CD226: variants seen among roughly 807,000 people sequenced by gnomAD.
CD226 encodes the protein CD226 molecule.
A neutral mutation model predicts 34.9 loss-of-function variants in CD226; 24 were observed. The observed-to-expected ratio is 0.69, with a 90% CI of 0.50 to 0.97. The LOEUF (loss-of-function observed/expected upper bound fraction) is 0.97. Among genes scored for constraint, CD226 ranks in the 50% least tolerant of loss-of-function variants. The pLI is 0.00. For synonymous variants in CD226, 148 were observed against 147.4 expected (o/e 1.00, Z -0.03); for missense variants, 397 against 412.7 (o/e 0.96, Z 0.33).
intron 3 of CD226, among the ~76,000 whole-genome samples, chr18:69,875,049 G>A (rs1213730858): frequency 1.3e-5 from 2 of 152,182 alleles, no homozygotes; most frequent in Non-Finnish European, 2.9e-5. Context: ...ACACGGTGCA[G>A]GTATTTCTTC....
rs4891780 is a variant in CD226, at chr18:69,857,147, C to T, written c.*7167G>A. 0.45 allele frequency: 68,050 copies of T among 152,098 alleles called. 15,406 individuals are homozygous for T. Among genetic ancestry groups the T allele is most frequent in the Middle Eastern group, 0.6 (176 of 294 alleles). The allele number at this position is 152,098 out of a possible 1,614,324, so 9.4% of individuals were successfully genotyped here. A position where few individuals can be genotyped will look rare whatever the true frequency, so the allele number is the denominator to read the frequency against. On this transcript the variant is annotated 3_prime_UTR_variant, in exon 6 of 6. Transcript: ENST00000582621. ...TCGCACCACTGCACTCCAGCCTGGG[C>T]GACAGAGCGAGACTCCGTCTCAAAA...
chr18:69,896,245 G>A (rs1985289133), intron 2 of CD226, 200 bp from the exon 3 acceptor site: 4 of 725,886 alleles, frequency 5.5e-6, no homozygotes, highest in African/African-American at 2.0e-5. Context: ...GCAGTGGTGT[G>A]ATCTCGGCTC....
At chr18:69,913,133 C>T (rs896746325) in intron 2 of CD226, among the ~76,000 whole-genome samples, 6 of 152,128 alleles carry the variant, frequency 3.9e-5, no homozygotes, top group African/African-American at 1.2e-4. Flanking sequence ...CTCTGGGATG[C>T]GCCGTCATAC....
chr18:69,875,760 G>A (rs754310537), intron 3 of CD226, among the ~76,000 whole-genome samples: 12 of 152,150 alleles, frequency 7.9e-5, no homozygotes, highest in Non-Finnish European at 1.6e-4. Context: ...TGCCATTTGC[G>A]ACAGCATGGA....
At chr18:69,893,656 T>G (rs1486283326) in intron 3 of CD226, among the ~76,000 whole-genome samples, 1 of 152,234 alleles carries the variant, frequency 6.6e-6, no homozygotes, top group African/African-American at 2.4e-5. Flanking sequence ...AAGTTCTTTT[T>G]GTCTGTGTCT....
Position 69,946,773 on chromosome 18 carries a change from G to T in CD226, c.343C>A (p.Gln115Lys), listed in dbSNP as rs763900514. The part of the protein sequence containing the change: ...YYSCSLYTYP[Q>K]GTWQKVIQVV... ...TGTATCACCTTCTGCCAAGTTCCCT[G>T]TGGGTAAGTGTAAAGAGAGCAGGAA... Residue 115 changes from glutamine to lysine, a missense_variant, in exon 2 of 6, where the codon CAG becomes AAG. By Grantham distance (53) the Gln-to-Lys change is moderately conservative (BLOSUM62 1). Coordinates refer to ENST00000582621, the MANE Select transcript of CD226 (RefSeq NM_001303618.2). 6.2e-7 allele frequency: 1 copy of T among 1,613,736 alleles called. No individual in the cohort carries two copies. Among genetic ancestry groups the T allele is most frequent in the Non-Finnish European group, 8.5e-7 (1 of 1,179,928 alleles).
intron 2 of CD226, among the ~76,000 whole-genome samples, chr18:69,926,862 G>T (rs1269695636): frequency 3.3e-5 from 5 of 152,198 alleles, no homozygotes; most frequent in Non-Finnish European, 7.3e-5. Flanking sequence ...GAGCAGGACA[G>T]AACTCAAAGC....
chr18:69,920,063 C>G (rs1006368249), intron 2 of CD226, among the ~76,000 whole-genome samples: 2 of 151,964 alleles, frequency 1.3e-5, no homozygotes, highest in Non-Finnish European at 2.9e-5. Context: ...CAGGGTTTTG[C>G]CAAGTTGCCC....
intron 2 of CD226, among the ~76,000 whole-genome samples, chr18:69,918,235 G>A (rs908584877): frequency 2.0e-5 from 3 of 152,124 alleles, no homozygotes; most frequent in Non-Finnish European, 2.9e-5. Flanking sequence ...ATTTGGTAAG[G>A]GCCTAGTACA....
In CD226 at chr18:69,946,802, T is replaced by A. The variant is rs368498382; in HGVS notation, c.314A>T (p.Tyr105Phe). 6.2e-7 allele frequency: 1 copy of A among 1,613,966 alleles called. No individual in the cohort carries two copies. Among genetic ancestry groups the A allele is most frequent in the African/African-American group, 1.3e-5 (1 of 74,878 alleles). The change falls in exon 2 of 6, where the codon TAC (tyrosine) becomes TTC (phenylalanine). Residue 105 changes from tyrosine (Y) to phenylalanine (F), a missense_variant. Transcript: ENST00000582621. ...GTAAGTGTAAAGAGAGCAGGAATAG[T>A]AGCCAACATCATCTTCAGAGGCATT... The part of the protein sequence containing the change: ...FRNASEDDVG[Y>F]YSCSLYTYPQ...
Position 69,947,055 on chromosome 18 carries a change from C to G in CD226, c.61G>C (p.Val21Leu). 1 of 1,613,430 alleles carries G rather than the reference C, an allele frequency of 6.2e-7. No homozygotes were observed. Among genetic ancestry groups the G allele is most frequent in the South Asian group, 1.1e-5 (1 of 91,050 alleles). Residue 21 changes from valine to leucine, a missense_variant, in exon 2 of 6, where the codon GTG becomes CTG. Physicochemically the swap from Val to Leu is conservative, Grantham distance 32. Coordinates refer to ENST00000582621, the MANE Select transcript of CD226 (RefSeq NM_001303618.2). ...AAGGGAACTGATGTATGCCAAAGCA[C>G]CTCTTCACATAGAGCTGAAATATAC... ...LHVYRALCEE[V>L]LWHTSVPFAE... is the part of the protein sequence containing the mutation.
At chr18:69,908,521 C>A (rs2055283795) in intron 2 of CD226, among the ~76,000 whole-genome samples, 2 of 152,136 alleles carry the variant, frequency 1.3e-5, no homozygotes, top group Non-Finnish European at 2.9e-5. Context: ...CTTAACCAAA[C>A]AGAATGAAAA....
chr18:69,885,757 T>A (rs2145218466), intron 3 of CD226, among the ~76,000 whole-genome samples: 1 of 152,234 alleles, frequency 6.6e-6, no homozygotes, highest in East Asian at 1.9e-4. Context: ...GCTACCTGAT[T>A]GTGCCTGTCC....
At chr18:69,938,603 G>T (rs2055684193) in intron 2 of CD226, among the ~76,000 whole-genome samples, 1 of 152,148 alleles carries the variant, frequency 6.6e-6, no homozygotes, top group African/African-American at 2.4e-5. Flanking sequence ...AGCCAAGTTG[G>T]TCTCTTAATT....
chr18:69,912,293 T>C (rs548101900), intron 2 of CD226, among the ~76,000 whole-genome samples: 6 of 152,336 alleles, frequency 3.9e-5, no homozygotes, highest in African/African-American at 1.4e-4. Context: ...AGTCAAAGTG[T>C]TTCTTTCATT....
Position 69,857,907 on chromosome 18 carries a change from T to C in CD226, c.*6407A>G, listed in dbSNP as rs1472910732. On this transcript the variant is annotated 3_prime_UTR_variant, in exon 6 of 6. Coordinates refer to ENST00000582621, the MANE Select transcript of CD226 (RefSeq NM_001303618.2). ...TAAAAATGGACAAAAATCAACTTCT[T>C]ACTTGAAATTTTGGAGGTAGTATGT... is the stretch of plus-strand genomic sequence containing the variant. 1 of 152,116 alleles carries C rather than the reference T, an allele frequency of 6.6e-6. No homozygotes were observed. Among genetic ancestry groups the C allele is most frequent in the Non-Finnish European group, 1.5e-5 (1 of 67,948 alleles). 9.4% of individuals were successfully genotyped at this position (152,116 alleles called of 1,614,324 possible).
rs541976602 is a variant in CD226 at position 69,932,786 on chromosome 18, T to C, written c.382+13948A>G. Reference sequence around the variant, plus strand: ...TCACTCCACAACCCTCCTTCCCACATGCACACACATACACTGTCACGACCC... The same window carrying C: ...TCACTCCACAACCCTCCTTCCCACACGCACACACATACACTGTCACGACCC... On this transcript the variant is annotated intron_variant, in intron 2 of 5. Transcript: ENST00000582621. Among the ~76,000 whole-genome samples, 4 of 152,176 alleles carry C rather than the reference T, an allele frequency of 2.6e-5. No individual in the cohort carries two copies. The South Asian group carries it at 8.3e-4, about 32-fold the overall frequency.
chr18:69,895,015 T>C (rs1985184825), intron 3 of CD226, among the ~76,000 whole-genome samples: 1 of 152,104 alleles, frequency 6.6e-6, no homozygotes, highest in African/African-American at 2.4e-5. Flanking sequence ...AAGGCCAATT[T>C]CACCAGCACA....
chr18:69,899,865 T>C (rs965326294), intron 2 of CD226, among the ~76,000 whole-genome samples: 3 of 152,192 alleles, frequency 2.0e-5, no homozygotes, highest in African/African-American at 7.2e-5. Context: ...TGGAAAGCAG[T>C]ATGGCAATTC....
Sources: allele counts gnomAD v4.1 joint callset (sites outside exome capture counted in the v4.1 genomes callset), GRCh38; gene constraint gnomAD v4.1.1; transcripts MANE v1.5; gene names NCBI Gene and HGNC (gene_info 2026-07-23, HGNC 2026-07-21).